The following CAMTA1 variants were observed in gnomAD, a reference collection of about 807,000 sequenced individuals.
CAMTA1 encodes the protein calmodulin-binding transcription activator 1.
In CAMTA1, 27 loss-of-function variants were observed where a neutral mutation model predicts 170.9. The ratio of observed to expected loss-of-function variants is 0.16; its 90% CI spans 0.12 to 0.22. The LOEUF is 0.22. Ranked by LOEUF, CAMTA1 falls within the 10% of genes least tolerant of loss-of-function variation. CAMTA1 has a pLI of 1.00. For synonymous variants in CAMTA1, 833 were observed against 891.5 expected (o/e 0.93, Z 1.17); for missense variants, 1,619 against 2,217.2 (o/e 0.73, Z 5.42).
At chr1:6,941,291 G>A (rs776293181) in intron 3 of CAMTA1, among the ~76,000 whole-genome samples, 2 of 152,166 alleles carry the variant, frequency 1.3e-5, no homozygotes, top group Non-Finnish European at 2.9e-5. Flanking sequence ...GGACACCATT[G>A]GGAGACCGGG....
At position 7,113,304 on chromosome 1, in the gene CAMTA1, T is replaced by C. The variant is rs1028606755; in HGVS notation, c.302+21933T>C. 1.3e-5 allele frequency among the ~76,000 whole-genome samples: 2 copies of C among 152,214 alleles called. No individual in the cohort carries two copies. The highest frequency in any genetic ancestry group is 4.8e-5 in the African/African-American group (2 of 41,456). Reference sequence around the variant, plus strand: ...CTGGTCACTGCCATGTGGGCTTGGGTTGGCCTTCCCGTATGTTTGCTTGGC... The same window carrying C: ...CTGGTCACTGCCATGTGGGCTTGGGCTGGCCTTCCCGTATGTTTGCTTGGC... On this transcript the variant is annotated intron_variant, in intron 4 of 22. Coordinates refer to ENST00000303635, the MANE Select transcript of CAMTA1 (RefSeq NM_015215.4). This position sits in a 1 kb window ranked among gnomAD's most constrained non-coding sequence, Gnocchi z 4.5.
chr1:7,636,428 G>C (rs1218209692), intron 6 of CAMTA1, among the ~76,000 whole-genome samples: 2 of 152,140 alleles, frequency 1.3e-5, no homozygotes, highest in African/African-American at 4.8e-5. Context: ...GTTTAGAAAG[G>C]CTTCCCGGCC....
intron 6 of CAMTA1, among the ~76,000 whole-genome samples, chr1:7,524,445 C>G (rs1053198014): frequency 6.6e-6 from 1 of 152,058 alleles, no homozygotes; most frequent in Non-Finnish European, 1.5e-5. Flanking sequence ...TGTATTTCTT[C>G]CTGTCCCATC....
intron 16 of CAMTA1, among the ~76,000 whole-genome samples, chr1:7,742,919 C>T (rs1376999541): frequency 6.6e-6 from 1 of 152,114 alleles, no homozygotes. Context: ...ACTTCCATCT[C>T]CTGGGTTCAA....
At chr1:7,181,725 A>G (rs1214738450) in intron 4 of CAMTA1, among the ~76,000 whole-genome samples, 1 of 151,620 alleles carries the variant, frequency 6.6e-6, no homozygotes, top group Non-Finnish European at 1.5e-5. Context: ...GTCTTGAACA[A>G]ATAGAAAGAC....
At chr1:7,309,419 C>G (rs977266436) in intron 5 of CAMTA1, among the ~76,000 whole-genome samples, 3 of 150,698 alleles carry the variant, frequency 2.0e-5, no homozygotes, top group African/African-American at 7.3e-5. Context: ...CGTGCCTCAG[C>G]CTCCCAAGTA....
At position 7,050,581 on chromosome 1, in the gene CAMTA1, T is replaced by C. The variant is rs987217114; in HGVS notation, c.235-40723T>C. Among the ~76,000 whole-genome samples, 2 of 152,200 alleles carry C rather than the reference T, an allele frequency of 1.3e-5. No homozygotes were observed. Among genetic ancestry groups the C allele is most frequent in the Non-Finnish European group, 2.9e-5 (2 of 68,038 alleles). ...GCAAACGTCACCTGGCAGTGCCCAG[T>C]TGAGATATCTGTCTCGGCAGTACCA... is the stretch of plus-strand genomic sequence containing the variant. On this transcript the variant is annotated intron_variant, in intron 3 of 22. Transcript: ENST00000303635. This position sits in a 1 kb window ranked among gnomAD's most constrained non-coding sequence, Gnocchi z 4.8.
intron 6 of CAMTA1, among the ~76,000 whole-genome samples, chr1:7,605,705 C>T (rs370773439): frequency 9.2e-5 from 14 of 152,296 alleles, no homozygotes; most frequent in East Asian, 1.9e-4. Flanking sequence ...ACCCACTTTC[C>T]GACACTCCCT....
chr1:7,625,845 CG>C (rs2095629786), intron 6 of CAMTA1, among the ~76,000 whole-genome samples: 1 of 152,186 alleles, frequency 6.6e-6, no homozygotes, highest in African/African-American at 2.4e-5. Context: ...GCAGAGGGGC[CG>C]GCCCCAGACT....
At chr1:7,160,914 A>G (rs1410385178) in intron 4 of CAMTA1, among the ~76,000 whole-genome samples, 1 of 152,114 alleles carries the variant, frequency 6.6e-6, no homozygotes, top group Admixed American at 6.5e-5. Flanking sequence ...CCAGTCATTC[A>G]CCACTTGTGT....
intron 1 of CAMTA1, among the ~76,000 whole-genome samples, chr1:6,786,456 C>G (rs1485994868): frequency 6.6e-6 from 1 of 152,136 alleles, no homozygotes; most frequent in African/African-American, 2.4e-5. Flanking sequence ...ATCTGCTCAT[C>G]TTCTTTGGAT....
At chr1:7,108,846 A>G (rs985981501) in intron 4 of CAMTA1, among the ~76,000 whole-genome samples, 5 of 152,212 alleles carry the variant, frequency 3.3e-5, no homozygotes, top group Admixed American at 3.3e-4. Flanking sequence ...GGAATCCAGG[A>G]CAACTTAGCC....
chr1:7,368,160 G>GT (rs1557600489), intron 5 of CAMTA1, among the ~76,000 whole-genome samples: 1 of 140,228 alleles, frequency 7.1e-6, no homozygotes. Flanking sequence ...TTCATTGGGT[G>GT]CAGGCCCTGG....
chr1:7,617,799 T>C (rs950877888), intron 6 of CAMTA1, among the ~76,000 whole-genome samples: 1 of 151,512 alleles, frequency 6.6e-6, no homozygotes, highest in East Asian at 2.0e-4. Context: ...ATCTTCTTGA[T>C]TGTGAAATAG....
At chr1:7,669,025 A>G (rs2096029885) in intron 9 of CAMTA1, among the ~76,000 whole-genome samples, 1 of 152,110 alleles carries the variant, frequency 6.6e-6, no homozygotes, top group African/African-American at 2.4e-5. Flanking sequence ...ACTTCCACGG[A>G]GCTGCAAATA....
intron 3 of CAMTA1, among the ~76,000 whole-genome samples, chr1:6,939,110 TG>T (rs1267032857): frequency 6.6e-6 from 1 of 152,136 alleles, no homozygotes; most frequent in Non-Finnish European, 1.5e-5. Flanking sequence ...CACACTCACA[TG>T]TGTTGTTATG....
chr1:6,881,217 T>G (rs1671478099), intron 3 of CAMTA1, among the ~76,000 whole-genome samples: 1 of 152,212 alleles, frequency 6.6e-6, no homozygotes, highest in South Asian at 2.1e-4. Context: ...TCTGTTTATT[T>G]CTAAAGAAGG....
At chr1:7,422,597 A>C (rs1398081844) in intron 5 of CAMTA1, among the ~76,000 whole-genome samples, 1 of 152,192 alleles carries the variant, frequency 6.6e-6, no homozygotes, top group East Asian at 1.9e-4. Flanking sequence ...ACAAATATTG[A>C]AAATGAGGAT....
chr1:6,969,467 G>C (rs909666806), intron 3 of CAMTA1, among the ~76,000 whole-genome samples: 1 of 152,164 alleles, frequency 6.6e-6, no homozygotes, highest in African/African-American at 2.4e-5. Flanking sequence ...CTCCTCCCCC[G>C]GATGATCACA....
Sources: allele counts gnomAD v4.1 joint callset (sites outside exome capture counted in the v4.1 genomes callset), GRCh38; gene constraint gnomAD v4.1.1; non-coding constraint Gnocchi (gnomAD v3.1); transcripts MANE v1.5; gene names NCBI Gene and HGNC (gene_info 2026-07-23, HGNC 2026-07-21).